The following CTTN variants were observed in gnomAD, a reference collection of about 807,000 sequenced individuals.
CTTN encodes the protein cortactin.
In CTTN, 28 loss-of-function variants were observed where a neutral mutation model predicts 84.0. The observed-to-expected ratio is 0.33, with a 90% confidence interval of 0.25 to 0.46. The LOEUF (loss-of-function observed/expected upper bound fraction) is 0.46. Ranked by LOEUF, CTTN falls within the 20% of genes least tolerant of loss-of-function variation. The pLI, the probability that CTTN is intolerant of heterozygous loss-of-function variation, is 1.00. For missense variants in CTTN, 641 were observed against 723.8 expected (o/e 0.89, Z 1.31); for synonymous variants, 301 against 288.8 (o/e 1.04, Z -0.43).
intron 12 of CTTN, among the ~76,000 whole-genome samples, chr11:70,423,401 G>A (rs2058264343): frequency 6.6e-6 from 1 of 152,258 alleles, no homozygotes; most frequent in Non-Finnish European, 1.5e-5. Flanking sequence ...TGCGTGTGCG[G>A]TGATGAGCCA....
intron 14 of CTTN, 64 bp from the exon 15 acceptor site, chr11:70,431,127 C>A: frequency 2.7e-6 from 4 of 1,506,238 alleles, no homozygotes; most frequent in Non-Finnish European, 3.7e-6. Flanking sequence ...TTCTGAAACA[C>A]GGCAGGCGTG....
Position 70,407,577 on chromosome 11 carries a change from C to T in CTTN, c.147C>T (p.His49=), listed in dbSNP as rs2058056173. The T allele has an allele frequency of 6.2e-7, 1 of 1,613,542 alleles. No individual in the cohort carries two copies. The highest frequency in any genetic ancestry group is 1.1e-5 in the South Asian group (1 of 91,082). Residue 49 remains histidine (H), a synonymous_variant, in exon 4 of 18, where the codon CAC becomes CAT. Coordinates refer to ENST00000301843, the MANE Select transcript of CTTN (RefSeq NM_005231.4). Reference sequence around the variant, plus strand: ...CCAAGACGGTGCAGGGCTCCGGGCACCAGGAGCATATCAAGTAAGAGGCGT... The same window carrying T: ...CCAAGACGGTGCAGGGCTCCGGGCATCAGGAGCATATCAAGTAAGAGGCGT... ...WGAKTVQGSG[H]QEHINIHKLR...
At chr11:70,432,285 C>G (rs1453950058) in intron 15 of CTTN, among the ~76,000 whole-genome samples, 1 of 152,254 alleles carries the variant, frequency 6.6e-6, no homozygotes, top group Non-Finnish European at 1.5e-5. Context: ...AGCTCCGACC[C>G]TGCCCCTCCC....
chr11:70,406,287 G>C (rs906469923), intron 2 of CTTN, among the ~76,000 whole-genome samples: 1 of 152,154 alleles, frequency 6.6e-6, no homozygotes, highest in African/African-American at 2.4e-5. Context: ...TGGAGGGAGA[G>C]GAGCCAGATG....
At chr11:70,431,164 C>T in intron 14 of CTTN, 27 bp from the exon 15 acceptor site, 1 of 1,608,574 alleles carries the variant, frequency 6.2e-7, no homozygotes, top group African/African-American at 1.3e-5. Context: ...TGGCAGCATT[C>T]TGATTGCTGT....
At chr11:70,405,968 T>G (rs2058037297) in intron 2 of CTTN, among the ~76,000 whole-genome samples, 1 of 152,186 alleles carries the variant, frequency 6.6e-6, no homozygotes, top group African/African-American at 2.4e-5. Context: ...GCATCCCGTT[T>G]CTCTTTCCTG....
intron 12 of CTTN, among the ~76,000 whole-genome samples, chr11:70,423,860 G>C (rs889999690): frequency 6.6e-5 from 10 of 152,212 alleles, no homozygotes; most frequent in Non-Finnish European, 1.3e-4. Flanking sequence ...ACACTGGGGG[G>C]GTCTACTTTG....
chr11:70,400,733 G>A (rs1375429867), intron 1 of CTTN, among the ~76,000 whole-genome samples: 2 of 152,250 alleles, frequency 1.3e-5, no homozygotes, highest in South Asian at 2.1e-4. Context: ...TGCTGTGAGC[G>A]CTGGTTGCTG....
intron 12 of CTTN, among the ~76,000 whole-genome samples, chr11:70,424,761 G>A (rs2058282223): frequency 6.6e-6 from 1 of 152,058 alleles, no homozygotes; most frequent in Non-Finnish European, 1.5e-5. Flanking sequence ...ATGGTATGGG[G>A]GCTCTGGTGG....
intron 1 of CTTN, among the ~76,000 whole-genome samples, chr11:70,403,186 C>CTTTT (rs1209259210): frequency 2.0e-4 from 23 of 114,698 alleles, no homozygotes; most frequent in African/African-American, 4.4e-4. Context: ...ATAAGAGTTC[C>CTTTT]TTTTTTTTTT....
At position 70,407,535 on chromosome 11, in the gene CTTN, G is replaced by C. The variant is rs760254247; in HGVS notation, c.105G>C (p.Lys35Asn). ...CTTTTCAGAATGATGTGAGTGAGAA[G>C]GAGCAAAGATGGGGTGCCAAGACGG... is the stretch of plus-strand genomic sequence containing the variant. The part of the protein sequence containing the change: ...DPDFVNDVSE[K>N]EQRWGAKTVQ... The change falls in exon 4 of 18, where the codon AAG (lysine) becomes AAC (asparagine). Residue 35 changes from lysine to asparagine, a missense_variant. Lys to Asn is a moderately conservative substitution (Grantham distance 94). This residue lies in a region of CTTN where 284 missense variants were observed against 348.4 expected (regional missense o/e 0.82). Coordinates refer to ENST00000301843, the MANE Select transcript of CTTN (RefSeq NM_005231.4). 1 of 1,613,828 alleles carries C rather than the reference G, an allele frequency of 6.2e-7. No homozygotes were observed. The highest frequency in any genetic ancestry group is 1.7e-5 in the Admixed American group (1 of 59,998).
chr11:70,411,416 GT>G (rs2058095323), intron 5 of CTTN, among the ~76,000 whole-genome samples: 1 of 151,576 alleles, frequency 6.6e-6, no homozygotes, highest in Admixed American at 6.6e-5. Flanking sequence ...TCCGTGTTCA[GT>G]GCAGCGAGCG....
rs1311739639 is a variant in CTTN at position 70,436,011 on chromosome 11, G to A, written c.*849G>A. ...TCACCCATATGGTCCCTGGGCCACCGGGCAGCCTGGGGCGGTGTGTGTGCC... is the reference window on the plus strand; with the variant it reads ...TCACCCATATGGTCCCTGGGCCACCAGGCAGCCTGGGGCGGTGTGTGTGCC... On this transcript the variant is annotated 3_prime_UTR_variant, in exon 18 of 18. Coordinates refer to ENST00000301843, the MANE Select transcript of CTTN (RefSeq NM_005231.4). The A allele has an allele frequency of 5.6e-6, 8 of 1,425,888 alleles. No individual in the cohort carries two copies. The highest frequency in any genetic ancestry group is 6.4e-6 in the Non-Finnish European group (7 of 1,096,610). The allele number at this position is 1,425,888 out of a possible 1,614,324, so 88.3% of individuals were successfully genotyped here. A position where few individuals can be genotyped will look rare whatever the true frequency, so the allele number is the denominator to read the frequency against.
At chr11:70,403,989 C>T (rs1405435205) in intron 1 of CTTN, among the ~76,000 whole-genome samples, 1 of 152,062 alleles carries the variant, frequency 6.6e-6, no homozygotes, top group East Asian at 1.9e-4. Context: ...CAAGCAGTTC[C>T]CCCACCTCAG....
At position 70,436,478 on chromosome 11, in the gene CTTN, G is replaced by C; in HGVS notation, c.*1316G>C. On this transcript the variant is annotated 3_prime_UTR_variant, in exon 18 of 18. Coordinates refer to ENST00000301843, the MANE Select transcript of CTTN (RefSeq NM_005231.4). ...TTACCACAATGAGCAATGAGGTCGGGTTTTATATGCAACTTATTGTATCTG... is the reference window on the plus strand; with the variant it reads ...TTACCACAATGAGCAATGAGGTCGGCTTTTATATGCAACTTATTGTATCTG... The C allele has an allele frequency of 7.4e-7, 1 of 1,357,002 alleles. No individual in the cohort carries two copies. The highest frequency in any genetic ancestry group is 1.0e-6 in the Non-Finnish European group (1 of 971,204). The allele number at this position is 1,357,002 out of a possible 1,614,324, so 84.1% of individuals were successfully genotyped here. A position where few individuals can be genotyped will look rare whatever the true frequency, so the allele number is the denominator to read the frequency against.
intron 5 of CTTN, among the ~76,000 whole-genome samples, chr11:70,413,119 C>T (rs912803395): frequency 1.3e-5 from 2 of 152,236 alleles, no homozygotes; most frequent in East Asian, 1.9e-4. Flanking sequence ...GAAGAGGGCG[C>T]AGCACAGGCC....
In CTTN at chr11:70,435,028, G is replaced by A; in HGVS notation, c.1519G>A (p.Gly507Ser). The A allele has an allele frequency of 1.2e-6, 2 of 1,613,950 alleles. No individual in the cohort carries two copies. The highest frequency in any genetic ancestry group is 1.7e-6 in the Non-Finnish European group (2 of 1,179,996). The change falls in exon 18 of 18, where the codon GGC becomes AGC. Residue 507 changes from glycine (G) to serine (S), a missense_variant and splice_region_variant. Physicochemically the swap from Gly to Ser is moderately conservative, Grantham distance 56. Around this residue, in one of 3 missense-constraint regions of CTTN, gnomAD observed 68 missense variants for 102.2 expected, o/e 0.67. Coordinates refer to ENST00000301843, the MANE Select transcript of CTTN (RefSeq NM_005231.4). ...AVALYDYQAAGDDEISFDPDD... is the reference protein window; with the variant it reads ...AVALYDYQAASDDEISFDPDD... ...TTTCTCTGTGTTCTCTTCCCCAGCG[G>A]GCGATGATGAGATCTCATTTGACCC...
intron 13 of CTTN, among the ~76,000 whole-genome samples, chr11:70,427,699 T>C (rs2058314929): frequency 6.6e-6 from 1 of 152,366 alleles, no homozygotes; most frequent in East Asian, 1.9e-4. Flanking sequence ...GCACTGTGTG[T>C]TGGTCATTTG....
chr11:70,407,440 G>A, intron 3 of CTTN, 56 bp downstream of exon 3: 1 of 1,612,914 alleles, frequency 6.2e-7, no homozygotes, highest in Non-Finnish European at 8.5e-7. Flanking sequence ...GGCTCTCCTG[G>A]GTTTTTCTTT....
Sources: allele counts gnomAD v4.1 joint callset (sites outside exome capture counted in the v4.1 genomes callset), GRCh38; gene constraint gnomAD v4.1.1; regional missense constraint gnomAD v4.1.1; transcripts MANE v1.5; gene names NCBI Gene and HGNC (gene_info 2026-07-23, HGNC 2026-07-21).